Variants in SGCD observed in about 807,000 individuals in gnomAD.
The protein encoded by SGCD is sarcoglycan delta.
In SGCD, 18 loss-of-function variants were observed where a neutral mutation model predicts 36.6. That is an observed-to-expected ratio of 0.49 (90% CI 0.34 to 0.73). SGCD has a LOEUF of 0.73. Among genes scored for constraint, SGCD ranks in the 30% least tolerant of loss-of-function variants. The pLI is 0.01. For synonymous variants in SGCD, 133 were observed against 130.6 expected, an observed-to-expected ratio of 1.02 and a Z score of -0.12; for missense variants, 387 against 346.7, an observed-to-expected ratio of 1.12 and a Z score of -0.92.
In SGCD at chr5:156,056,319, G is replaced by A. The variant is rs759260769; in HGVS notation, c.-281-61559G>A. The stretch of plus-strand genomic sequence containing the variant: ...GAAACAAATCCCTTTCTTGCCTGGG[G>A]ACCAGACTGCCTTTGTAGGACTAAC... On this transcript the variant is annotated intron_variant, in intron 1 of 9. Transcript: ENST00000517913. Among the ~76,000 whole-genome samples, 16 of 145,948 alleles carry A rather than the reference G, an allele frequency of 1.1e-4. 2 individuals carry two copies. Among genetic ancestry groups the A allele is most frequent in the Non-Finnish European group, 1.9e-4 (12 of 64,798 alleles).
chr5:155,899,873 A>G (rs1285871384), intron 1 of SGCD, among the ~76,000 whole-genome samples: 2 of 152,216 alleles, frequency 1.3e-5, no homozygotes, highest in African/African-American at 4.8e-5. Flanking sequence ...TTCGCATGGA[A>G]TTATTACCTA....
intron 1 of SGCD, among the ~76,000 whole-genome samples, chr5:155,918,178 T>C (rs1373921497): frequency 1.3e-5 from 2 of 152,232 alleles, no homozygotes; most frequent in Non-Finnish European, 2.9e-5. Flanking sequence ...TAGGAATGTC[T>C]CTCTCATTTA....
the SGCD span, among the ~76,000 whole-genome samples, chr5:155,743,312 C>A: frequency 6.6e-6 from 1 of 152,142 alleles, no homozygotes; most frequent in Admixed American, 6.5e-5. Context: ...CGGGAAGTTA[C>A]AAAAGTCTTA....
In SGCD at chr5:156,419,802, A is replaced by G. The variant is rs183597042; in HGVS notation, c.192+75125A>G. Among the ~76,000 whole-genome samples, 1,143 of 152,242 alleles carry G rather than the reference A, an allele frequency of 7.5e-3. 11 individuals carry two copies. The highest frequency in any genetic ancestry group is 7.3e-3 in the South Asian group (35 of 4,826). The stretch of plus-strand genomic sequence containing the variant: ...TGCACTAGGACCTAGGCCTATTCCC[A>G]TGGTTACATGGCAGAATAGGCATTC... On this transcript the variant is annotated intron_variant, in intron 3 of 8. Coordinates refer to ENST00000337851, the MANE Select transcript of SGCD (RefSeq NM_000337.6).
intron 1 of SGCD, among the ~76,000 whole-genome samples, chr5:156,101,567 T>C (rs1243635280): frequency 6.6e-6 from 1 of 152,222 alleles, no homozygotes; most frequent in Non-Finnish European, 1.5e-5. Flanking sequence ...TACTCATAGA[T>C]GTCTATATCT....
intron 4 of SGCD, among the ~76,000 whole-genome samples, chr5:156,578,215 T>C (rs1468069055): frequency 3.9e-5 from 6 of 152,210 alleles, no homozygotes; most frequent in Non-Finnish European, 7.3e-5. Context: ...ATGGGTTACA[T>C]TTATTGATTT....
intron 6 of SGCD, among the ~76,000 whole-genome samples, chr5:156,625,759 A>G (rs1374233365): frequency 6.6e-6 from 1 of 152,216 alleles, no homozygotes; most frequent in Non-Finnish European, 1.5e-5. Flanking sequence ...CAGCTAGAGT[A>G]TAACAAGAAT....
chr5:156,500,456 A>T (rs1486215337), intron 3 of SGCD, among the ~76,000 whole-genome samples: 1 of 152,204 alleles, frequency 6.6e-6, no homozygotes, highest in Admixed American at 6.5e-5. Context: ...GCAAGAGATT[A>T]TCTTGAGACT....
At chr5:156,500,289 G>T (rs551640002) in intron 3 of SGCD, among the ~76,000 whole-genome samples, 6 of 152,254 alleles carry the variant, frequency 3.9e-5, no homozygotes, top group African/African-American at 7.2e-5. Flanking sequence ...TTTTCTGAGC[G>T]CATAATAATT....
chr5:156,506,738 T>C (rs2127872448), intron 3 of SGCD, among the ~76,000 whole-genome samples: 1 of 152,276 alleles, frequency 6.6e-6, no homozygotes, highest in African/African-American at 2.4e-5. Flanking sequence ...AAAAACCTCA[T>C]TGGTTTGGAA....
At chr5:156,502,022 A>T (rs1756475910) in intron 3 of SGCD, among the ~76,000 whole-genome samples, 1 of 150,934 alleles carries the variant, frequency 6.6e-6, no homozygotes, top group Non-Finnish European at 1.5e-5. Context: ...TAATTGTTCT[A>T]GGAATGATAT....
chr5:156,091,885 T>A (rs778759212), intron 1 of SGCD, among the ~76,000 whole-genome samples: 7 of 152,212 alleles, frequency 4.6e-5, no homozygotes, highest in Non-Finnish European at 7.3e-5. Context: ...TGCCACTGCC[T>A]AAAGGCAGGG....
chr5:156,728,931 C>T (rs531583872), intron 7 of SGCD, among the ~76,000 whole-genome samples: 338 of 152,276 alleles, frequency 2.2e-3, no homozygotes, highest in Non-Finnish European at 3.8e-3. Context: ...AATCCTCTAT[C>T]TTTGTTTACA....
At chr5:155,772,426 G>A in the SGCD span, among the ~76,000 whole-genome samples, 1 of 152,156 alleles carries the variant, frequency 6.6e-6, no homozygotes, top group Non-Finnish European at 1.5e-5. Flanking sequence ...AAGGTAAAGA[G>A]CAGTAGCAGC....
intron 6 of SGCD, among the ~76,000 whole-genome samples, chr5:156,644,031 A>G (rs936249158): frequency 5.3e-5 from 8 of 152,174 alleles, no homozygotes; most frequent in Non-Finnish European, 7.4e-5. Flanking sequence ...GTTCATCAGG[A>G]AAAAATTTAC....
chr5:155,821,206 G>C, the SGCD span, among the ~76,000 whole-genome samples: 11 of 152,288 alleles, frequency 7.2e-5, no homozygotes, highest in East Asian at 2.1e-3. Flanking sequence ...CAAGTCTTCA[G>C]AGGCTTATTC....
chr5:156,319,346 TTGA>T, intron 3 of SGCD, among the ~76,000 whole-genome samples: 1 of 152,362 alleles, frequency 6.6e-6, no homozygotes, highest in East Asian at 1.9e-4. Context: ...TAATGAGCAC[TTGA>T]TCTGTTAAGT....
intron 3 of SGCD, among the ~76,000 whole-genome samples, chr5:156,358,977 A>G (rs1769634022): frequency 6.6e-6 from 1 of 152,126 alleles, no homozygotes. Flanking sequence ...AGGAGAATGC[A>G]CTTATGTAAC....
intron 3 of SGCD, among the ~76,000 whole-genome samples, chr5:156,358,617 T>C (rs1332983939): frequency 6.6e-6 from 1 of 152,182 alleles, no homozygotes; most frequent in Non-Finnish European, 1.5e-5. Context: ...CATGGAGCTA[T>C]CTGTCTAATG....
Sources: allele counts gnomAD v4.1 joint callset (sites outside exome capture counted in the v4.1 genomes callset), GRCh38; gene constraint gnomAD v4.1.1; transcripts MANE v1.5; gene names NCBI Gene and HGNC (gene_info 2026-07-23, HGNC 2026-07-21).